Variants in IL17RB observed in about 807,000 individuals in gnomAD.
IL17RB encodes the protein interleukin 17 receptor B.
Under a neutral mutation model 43.9 loss-of-function variants are expected in IL17RB, and 36 were observed. The observed-to-expected ratio is 0.82, with a 90% confidence interval of 0.63 to 1.08. The LOEUF (loss-of-function observed/expected upper bound fraction) is 1.08. IL17RB is among the 50% of genes least tolerant of loss of function. The pLI, the probability that IL17RB is intolerant of heterozygous loss-of-function variation, is 0.00. For synonymous variants in IL17RB, 225 were observed against 225.4 expected, an observed-to-expected ratio of 1.00 and a Z score of 0.02; for missense variants, 613 against 613.6, an observed-to-expected ratio of 1.00 and a Z score of 0.01.
chr3:53,852,160 G>C (rs1699174539), intron 4 of IL17RB, 34 bp downstream of exon 4: 3 of 1,599,664 alleles, frequency 1.9e-6, no homozygotes, highest in African/African-American at 1.3e-5. Context: ...TTTGTTTTTT[G>C]AGATAGCATC....
intron 3 of IL17RB, among the ~76,000 whole-genome samples, chr3:53,851,652 GCCTCTTC>G (rs1409119676): frequency 2.0e-5 from 3 of 152,296 alleles, no homozygotes; most frequent in African/African-American, 4.8e-5. Context: ...CCTGAGGCCA[GCCTCTTC>G]CTCTTAAAAG....
chr3:53,846,691 G>C, intron 1 of IL17RB, 43 bp downstream of exon 1: 1 of 1,542,854 alleles, frequency 6.5e-7, no homozygotes, highest in African/African-American at 1.4e-5. Flanking sequence ...CCCGGCCCTC[G>C]AGCCCAGATC....
At chr3:53,864,329 G>A (rs999115732) in intron 10 of IL17RB, among the ~76,000 whole-genome samples, 33 of 152,326 alleles carry the variant, frequency 2.2e-4, no homozygotes, top group African/African-American at 5.8e-4. Context: ...GAGGTCAGGA[G>A]ATCGAGACCA....
Position 53,857,082 on chromosome 3 carries a change from C to T in IL17RB, c.672+96C>T, listed in dbSNP as rs932037794. 5 of 1,298,302 alleles carry T rather than the reference C, an allele frequency of 3.9e-6. No individual in the cohort carries two copies. In the African/African-American group the frequency reaches 7.3e-5, roughly 19 times the overall value. The allele number at this position is 1,298,302 out of a possible 1,614,324, so 80.4% of individuals were successfully genotyped here. ...AGTGTTGTCCAAACGTGCTGGGCTA[C>T]TTTGATGAATTCAACAGATAAAAAC... On this transcript the variant is annotated intron_variant, in intron 7 of 10. Coordinates refer to ENST00000288167, the MANE Select transcript of IL17RB (RefSeq NM_018725.4).
intron 1 of IL17RB, among the ~76,000 whole-genome samples, chr3:53,847,524 TG>T (rs1698964752): frequency 6.7e-6 from 1 of 148,786 alleles, no homozygotes; most frequent in Admixed American, 6.7e-5. Context: ...CCGGGCTCGG[TG>T]GCTCACGCCT....
Position 53,849,748 on chromosome 3 carries a change from G to C in IL17RB, c.179G>C (p.Gly60Ala). Residue 60 changes from glycine (G) to alanine (A), a missense_variant, in exon 3 of 11, where the codon GGG becomes GCG. By Grantham distance (60) the Gly-to-Ala change is moderately conservative (BLOSUM62 0). Coordinates refer to ENST00000288167, the MANE Select transcript of IL17RB (RefSeq NM_018725.4). ...CCTGTTACAACTAGTGTTGCAACAGGGGACTATTCAATTTTGATGAATGTA... is the reference window on the plus strand; with the variant it reads ...CCTGTTACAACTAGTGTTGCAACAGCGGACTATTCAATTTTGATGAATGTA... ...VEPVTTSVAT[G>A]DYSILMNVSW... The C allele has an allele frequency of 6.2e-7, 1 of 1,612,308 alleles. No homozygotes were observed. The highest frequency in any genetic ancestry group is 8.5e-7 in the Non-Finnish European group (1 of 1,179,072).
chr3:53,865,127 A>C lies in IL17RB; in HGVS notation c.1328A>C (p.Tyr443Ser), dbSNP rs761806178. 5 of 1,614,202 alleles carry C rather than the reference A, an allele frequency of 3.1e-6. No homozygotes were observed. Among genetic ancestry groups the C allele is most frequent in the Non-Finnish European group, 4.2e-6 (5 of 1,180,030 alleles). Residue 443 changes from tyrosine to serine, a missense_variant, in exon 11 of 11, where the codon TAC becomes TCC. Transcript: ENST00000288167. The part of the protein sequence containing the change: ...DLRSQIHLHK[Y>S]VVVYFREIDT... ...AGAAGCCAGATTCATCTGCACAAAT[A>C]CGTGGTGGTCTACTTTAGAGAGATT...
chr3:53,858,682 A>G (rs1268101748), intron 8 of IL17RB, 37 bp from the exon 9 acceptor site: 1 of 1,609,634 alleles, frequency 6.2e-7, no homozygotes, highest in East Asian at 2.2e-5. Context: ...GCTCTGATGC[A>G]TGGTGTGAAC....
Position 53,846,625 on chromosome 3 carries a change from A to G in IL17RB, c.37A>G (p.Arg13Gly), listed in dbSNP as rs1698906782. ...GCTGCTAAGCCTGGCCGCGCTGTGC[A>G]GGAGCGCCGTACCCCGAGAGCCGGT... The part of the protein sequence containing the change: ...LVLLSLAALC[R>G]SAVPREPTVQ... The change falls in exon 1 of 11, where the codon AGG becomes GGG. Residue 13 changes from arginine to glycine, a missense_variant. By Grantham distance (125) the Arg-to-Gly change is moderately radical. Coordinates refer to ENST00000288167, the MANE Select transcript of IL17RB (RefSeq NM_018725.4). The G allele has an allele frequency of 4.4e-6, 7 of 1,593,484 alleles. No individual in the cohort carries two copies. The highest frequency in any genetic ancestry group is 2.6e-6 in the Non-Finnish European group (3 of 1,173,202).
rs1409525376 is a variant in IL17RB at position 53,865,046 on chromosome 3, G to A, written c.1247G>A (p.Ser416Asn). The change falls in exon 11 of 11, where the codon AGT becomes AAT. Residue 416 changes from serine to asparagine, a missense_variant. Physicochemically the swap from Ser to Asn is conservative, Grantham distance 46. Transcript: ENST00000288167. ...GTCGKSEGSP[S>N]ENSQDLFPLA... Reference sequence around the variant, plus strand: ...TGTGGCAAGAGCGAGGGCAGTCCCAGTGAGAACTCTCAAGACCTCTTCCCC... The same window carrying A: ...TGTGGCAAGAGCGAGGGCAGTCCCAATGAGAACTCTCAAGACCTCTTCCCC... 6.2e-7 allele frequency: 1 copy of A among 1,614,068 alleles called. No homozygotes were observed. The highest frequency in any genetic ancestry group is 8.5e-7 in the Non-Finnish European group (1 of 1,180,032).
chr3:53,859,011 T>C (rs764995505), intron 9 of IL17RB, 193 bp downstream of exon 9: 1 of 500,358 alleles, frequency 2.0e-6, no homozygotes, highest in Non-Finnish European at 3.6e-6. Flanking sequence ...GAACAGGCTT[T>C]ATTTGTAAAA....
intron 8 of IL17RB, 60 bp from the exon 9 acceptor site, chr3:53,858,659 T>C: frequency 6.3e-7 from 1 of 1,592,806 alleles, no homozygotes; most frequent in Non-Finnish European, 8.6e-7. Flanking sequence ...AGTAGGAGTC[T>C]TGGTGAGATT....
In IL17RB at chr3:53,846,578, G is replaced by T; in HGVS notation, c.-11G>T. ...GTGCGGGTGGCCTGGATCCCGCGCA[G>T]TGGCCCGGCGATGTCGCTCGTGCTG... is the stretch of plus-strand genomic sequence containing the variant. On this transcript the variant is annotated 5_prime_UTR_variant, in exon 1 of 11. Transcript: ENST00000288167. 6.4e-7 allele frequency: 1 copy of T among 1,573,080 alleles called. No homozygotes were observed. Among genetic ancestry groups the T allele is most frequent in the Non-Finnish European group, 8.6e-7 (1 of 1,165,244 alleles).
At chr3:53,855,464 C>G (rs1457213933) in intron 6 of IL17RB, 123 bp downstream of exon 6, 4 of 638,590 alleles carry the variant, frequency 6.3e-6, no homozygotes, top group Non-Finnish European at 1.1e-5. Flanking sequence ...CCAAGCACCC[C>G]CGATGGTGGT....
intron 8 of IL17RB, 121 bp downstream of exon 8, chr3:53,857,811 G>A (rs1443384132): frequency 1.1e-5 from 10 of 904,344 alleles, no homozygotes; most frequent in Non-Finnish European, 1.6e-5. Flanking sequence ...CACCAGTTAA[G>A]TGGCGTTCAT....
At chr3:53,860,663 C>T (rs1699531129) in intron 10 of IL17RB, 1 of 152,486 alleles carries the variant, frequency 6.6e-6, no homozygotes, top group African/African-American at 2.4e-5. Context: ...GAGCCACTTA[C>T]ACCTGGATTT....
In IL17RB at chr3:53,864,762, T is replaced by A; in HGVS notation, c.963T>A (p.Thr321=). 1 of 1,608,636 alleles carries A rather than the reference T, an allele frequency of 6.2e-7. No homozygotes were observed. Residue 321 remains threonine, a synonymous_variant, in exon 11 of 11, where the codon ACT becomes ACA. Coordinates refer to ENST00000288167, the MANE Select transcript of IL17RB (RefSeq NM_018725.4). Reference sequence around the variant, plus strand: ...CTCTCACAGAAAGGATCAAGAAGACTTCCTTTTCTACCACCACACTACTGC... The same window carrying A: ...CTCTCACAGAAAGGATCAAGAAGACATCCTTTTCTACCACCACACTACTGC... ...LMWRHERIKK[T]SFSTTTLLPP...
At chr3:53,856,338 C>T (rs1362706343) in intron 6 of IL17RB, among the ~76,000 whole-genome samples, 1 of 152,238 alleles carries the variant, frequency 6.6e-6, no homozygotes, top group African/African-American at 2.4e-5. Context: ...CAGGGTATAT[C>T]CTCTAAGCTA....
chr3:53,856,859 C>T lies in IL17RB; in HGVS notation c.545C>T (p.Pro182Leu), dbSNP rs774051801. Residue 182 changes from proline to leucine, a missense_variant, in exon 7 of 11, where the codon CCG becomes CTG. Pro to Leu is a moderately conservative substitution (Grantham distance 98). Coordinates refer to ENST00000288167, the MANE Select transcript of IL17RB (RefSeq NM_018725.4). Reference sequence around the variant, plus strand: ...CAACTCACAGGAAGCCTGTGGGATCCGAACATCACTGCTTGTAAGAAGAAT... The same window carrying T: ...CAACTCACAGGAAGCCTGTGGGATCTGAACATCACTGCTTGTAAGAAGAAT... The part of the protein sequence containing the change: ...KCVKAGSLWD[P>L]NITACKKNEE... The T allele has an allele frequency of 8.1e-6, 13 of 1,613,956 alleles. No homozygotes were observed. The highest frequency in any genetic ancestry group is 4.4e-5 in the South Asian group (4 of 91,080).
Sources: allele counts gnomAD v4.1 joint callset (sites outside exome capture counted in the v4.1 genomes callset), GRCh38; gene constraint gnomAD v4.1.1; transcripts MANE v1.5; gene names NCBI Gene and HGNC (gene_info 2026-07-23, HGNC 2026-07-21).